Variants in STIM1 observed in about 807,000 individuals in gnomAD.
STIM1 encodes stromal interaction molecule 1.
Under a neutral mutation model 74.7 loss-of-function variants are expected in STIM1, and 25 were observed. The ratio of observed to expected loss-of-function variants is 0.33; its 90% CI spans 0.24 to 0.47. The LOEUF (loss-of-function observed/expected upper bound fraction) is 0.47, where lower values mean the gene tolerates loss of function less well. Ranked by LOEUF, STIM1 falls within the 20% of genes least tolerant of loss-of-function variation. The pLI is 1.00. For missense variants in STIM1, 728 were observed against 920.8 expected, an observed-to-expected ratio of 0.79 and a Z score of 2.71; for synonymous variants, 328 against 348.8, an observed-to-expected ratio of 0.94 and a Z score of 0.66.
chr11:3,941,667 T>TAG (rs1198619841), intron 1 of STIM1, among the ~76,000 whole-genome samples: 24 of 56,122 alleles, frequency 4.3e-4, no homozygotes, highest in South Asian at 3.5e-3. Context: ...TATATATATA[T>TAG]ATATATAGAG....
intron 2 of STIM1, among the ~76,000 whole-genome samples, chr11:3,993,457 G>T (rs1220627717): frequency 1.3e-5 from 2 of 152,168 alleles, no homozygotes; most frequent in African/African-American, 2.4e-5. Context: ...AGGAGTTTGA[G>T]ACCAGCCTGG....
chr11:4,011,144 G>A (rs1809829189), intron 2 of STIM1, among the ~76,000 whole-genome samples: 1 of 152,180 alleles, frequency 6.6e-6, no homozygotes, highest in East Asian at 1.9e-4. Context: ...TTGGTTCCAA[G>A]TCTTTGCTAT....
chr11:3,998,428 T>C (rs887189792), intron 2 of STIM1, among the ~76,000 whole-genome samples: 1 of 152,208 alleles, frequency 6.6e-6, no homozygotes, highest in Non-Finnish European at 1.5e-5. Flanking sequence ...AATAGACAAT[T>C]ATGTCTTGAC....
intron 1 of STIM1, among the ~76,000 whole-genome samples, chr11:3,894,964 G>T (rs2092014893): frequency 6.8e-6 from 1 of 146,288 alleles, no homozygotes; most frequent in Non-Finnish European, 1.5e-5. Context: ...GGCCAGGCTG[G>T]TCTCAAACTC....
chr11:3,981,067 G>A (rs1191707324), intron 2 of STIM1, among the ~76,000 whole-genome samples: 1 of 151,420 alleles, frequency 6.6e-6, no homozygotes, highest in Non-Finnish European at 1.5e-5. Flanking sequence ...GTGTGATCTC[G>A]GCTCACTGCA....
chr11:3,878,259 G>A (rs1272553948), intron 1 of STIM1, among the ~76,000 whole-genome samples: 2 of 152,144 alleles, frequency 1.3e-5, no homozygotes, highest in African/African-American at 4.8e-5. Flanking sequence ...TTGCTGAGCT[G>A]TTTCTCTAGG....
chr11:4,024,101 T>A, intron 3 of STIM1, 114 bp downstream of exon 3: 1 of 788,634 alleles, frequency 1.3e-6, no homozygotes, highest in Non-Finnish European at 2.2e-6. Flanking sequence ...GGGCAAATTA[T>A]TGAAGTTATT....
chr11:4,060,006 G>C (rs2094319621), intron 5 of STIM1, among the ~76,000 whole-genome samples: 1 of 152,182 alleles, frequency 6.6e-6, no homozygotes, highest in Non-Finnish European at 1.5e-5. Context: ...TAGACATGTA[G>C]AGTGCATGAA....
Position 4,092,170 on chromosome 11 carries a change from C to T in STIM1, c.*372C>T. The T allele has an allele frequency of 6.0e-6, 2 of 336,082 alleles. No homozygotes were observed. The highest frequency in any genetic ancestry group is 2.7e-5 in the South Asian group (1 of 36,580). 20.8% of individuals were successfully genotyped at this position (336,082 alleles called of 1,614,324 possible). Reference sequence around the variant, plus strand: ...TGTTTCTGTCTCTTGCTTTCGGGCTCCTCCCTCCCACCACTCCCCAACTTC... The same window carrying T: ...TGTTTCTGTCTCTTGCTTTCGGGCTTCTCCCTCCCACCACTCCCCAACTTC... On this transcript the variant is annotated 3_prime_UTR_variant, in exon 13 of 13. Transcript: ENST00000526596.
chr11:3,858,153 G>T (rs2090456039), intron 1 of STIM1, among the ~76,000 whole-genome samples: 1 of 152,078 alleles, frequency 6.6e-6, no homozygotes, highest in African/African-American at 2.4e-5. Flanking sequence ...AATATTTTTT[G>T]GAGAGTGGGT....
chr11:3,963,995 G>A (rs2093315992), intron 1 of STIM1, among the ~76,000 whole-genome samples: 1 of 152,182 alleles, frequency 6.6e-6, no homozygotes, highest in Admixed American at 6.5e-5. Context: ...TTAAATGTCA[G>A]CCTACACCAG....
intron 2 of STIM1, among the ~76,000 whole-genome samples, chr11:4,013,661 C>A (rs1235446076): frequency 2.3e-5 from 3 of 132,272 alleles, no homozygotes; most frequent in Non-Finnish European, 3.2e-5. Context: ...TTGATCTTTT[C>A]AAAAACCAGC....
chr11:4,062,943 C>G (rs1414938070), intron 5 of STIM1, among the ~76,000 whole-genome samples: 2 of 152,094 alleles, frequency 1.3e-5, no homozygotes, highest in African/African-American at 2.4e-5. Flanking sequence ...GAATGAAGTA[C>G]TGATATATGC....
At chr11:3,986,268 A>G (rs544503946) in intron 2 of STIM1, among the ~76,000 whole-genome samples, 26 of 152,346 alleles carry the variant, frequency 1.7e-4, no homozygotes, top group Admixed American at 4.6e-4. Flanking sequence ...AGGAAACACT[A>G]TCCAGAAAAG....
chr11:3,890,443 T>TA (rs1312162644), intron 1 of STIM1, among the ~76,000 whole-genome samples: 1 of 152,220 alleles, frequency 6.6e-6, no homozygotes, highest in Non-Finnish European at 1.5e-5. Context: ...TAGAGCTACA[T>TA]ACCCAGTAGC....
At chr11:3,955,887 C>A (rs1158414489) in intron 1 of STIM1, among the ~76,000 whole-genome samples, 1 of 151,656 alleles carries the variant, frequency 6.6e-6, no homozygotes, top group Non-Finnish European at 1.5e-5. Context: ...AGGAGTTTCA[C>A]TTCTCTTTTA....
Position 3,908,174 on chromosome 11 carries a change from G to A in STIM1, c.139+51765G>A, listed in dbSNP as rs575472359. 2.6e-5 allele frequency among the ~76,000 whole-genome samples: 4 copies of A among 152,286 alleles called. No individual in the cohort carries two copies. The South Asian group carries it at 8.3e-4, about 32-fold the overall frequency. On this transcript the variant is annotated intron_variant, in intron 1 of 12. Transcript: ENST00000526596. ...GACTGGTGCATATAGCATATACTTA[G>A]TAAATATTTGTTGACTGAATGAACA...
chr11:4,011,617 G>A (rs972207610), intron 2 of STIM1, among the ~76,000 whole-genome samples: 10 of 152,062 alleles, frequency 6.6e-5, no homozygotes, highest in Non-Finnish European at 1.2e-4. Flanking sequence ...TGTAGATTCT[G>A]GATATTAGCC....
intron 1 of STIM1, among the ~76,000 whole-genome samples, chr11:3,881,952 G>A (rs1483010416): frequency 1.3e-5 from 2 of 152,046 alleles, no homozygotes; most frequent in Non-Finnish European, 2.9e-5. Context: ...GATTACAGAT[G>A]TGAGCCACGG....
Sources: gnomAD v4.1 joint callset for allele counts (sites outside exome capture counted in the v4.1 genomes callset) on GRCh38, gnomAD v4.1.1 for gene constraint, MANE v1.5 for transcripts, NCBI Gene and HGNC (gene_info 2026-07-23, HGNC 2026-07-21) for gene names.